The following ALPK3 variants were observed in gnomAD, a reference collection of about 807,000 sequenced individuals.
The protein encoded by ALPK3 is alpha-protein kinase 3.
A neutral mutation model predicts 140.0 loss-of-function variants in ALPK3; 102 were observed. The ratio of observed to expected loss-of-function variants is 0.73; its 90% confidence interval spans 0.62 to 0.86. The LOEUF (loss-of-function observed/expected upper bound fraction) is 0.86. Ranked by LOEUF, ALPK3 falls within the 40% of genes least tolerant of loss-of-function variation. ALPK3 has a pLI of 0.00. For missense variants in ALPK3, 2,254 were observed against 2,208.2 expected, an observed-to-expected ratio of 1.02 and a Z score of -0.42; for synonymous variants, 938 against 898.5, an observed-to-expected ratio of 1.04 and a Z score of -0.79.
At chr15:84,819,541 G>T (rs1337539735) in intron 1 of ALPK3, among the ~76,000 whole-genome samples, 6 of 152,200 alleles carry the variant, frequency 3.9e-5, no homozygotes, top group Admixed American at 1.3e-4. Context: ...CTCTAGTAAG[G>T]CCTGACCTGT....
At chr15:84,827,797 G>T (rs1269024110) in intron 3 of ALPK3, among the ~76,000 whole-genome samples, 192 bp downstream of exon 3, 1 of 152,186 alleles carries the variant, frequency 6.6e-6, no homozygotes, top group Non-Finnish European at 1.5e-5. Context: ...CCCCATTCTG[G>T]AGCCACATAT....
chr15:84,857,761 C>A lies in ALPK3; in HGVS notation c.3023C>A (p.Pro1008His). The change falls in exon 6 of 14, where the codon CCC becomes CAC. Residue 1008 changes from proline to histidine, a missense_variant. Transcript: ENST00000258888. The part of the protein sequence containing the change: ...TPTVEVAGLS[P>H]RTSRRILERV... The stretch of plus-strand genomic sequence containing the variant: ...ACTGTGGAAGTGGCTGGGCTTAGTC[C>A]CCGGACATCGAGGCGCATCCTGGAG... The A allele has an allele frequency of 1.2e-6, 2 of 1,613,106 alleles. No homozygotes were observed. Among genetic ancestry groups the A allele is most frequent in the Non-Finnish European group, 8.5e-7 (1 of 1,179,372 alleles).
intron 12 of ALPK3, 37 bp downstream of exon 12, chr15:84,864,702 A>G (rs2141574247): frequency 6.3e-7 from 1 of 1,596,124 alleles, no homozygotes; most frequent in African/African-American, 1.3e-5. Flanking sequence ...ACGCATGTGC[A>G]TGGATGTGAA....
At chr15:84,856,310 C>G in intron 5 of ALPK3, 82 bp from the exon 6 acceptor site, 1 of 1,522,816 alleles carries the variant, frequency 6.6e-7, no homozygotes, top group Non-Finnish European at 8.8e-7. Flanking sequence ...TAGATGAGGT[C>G]CGAGGAGACT....
At chr15:84,849,442 G>A (rs1963775736) in intron 5 of ALPK3, among the ~76,000 whole-genome samples, 1 of 152,108 alleles carries the variant, frequency 6.6e-6, no homozygotes, top group African/African-American at 2.4e-5. Context: ...AGAATACTCT[G>A]TGTAACAACA....
Position 84,871,864 on chromosome 15 carries a change from G to A in ALPK3, c.*3408G>A, listed in dbSNP as rs959639706. 3 of 152,236 alleles carry A rather than the reference G, an allele frequency of 2.0e-5. No individual in the cohort carries two copies. The highest frequency in any genetic ancestry group is 1.3e-4 in the Admixed American group (2 of 15,284). 9.4% of individuals were successfully genotyped at this position (152,236 alleles called of 1,614,324 possible). On this transcript the variant is annotated 3_prime_UTR_variant, in exon 14 of 14. Coordinates refer to ENST00000258888, the MANE Select transcript of ALPK3 (RefSeq NM_020778.5). The stretch of plus-strand genomic sequence containing the variant: ...CTGGTTGGGTGCAGTATGTGAGGAG[G>A]TCACATGATGTTTATGGCATTTGAG...
chr15:84,863,750 C>A, intron 11 of ALPK3, 110 bp downstream of exon 11: 2 of 1,018,084 alleles, frequency 2.0e-6, no homozygotes, highest in Admixed American at 2.6e-5. Context: ...TGCCCATGTG[C>A]AAATAGGCTC....
Position 84,840,481 on chromosome 15 carries a change from AG to A in ALPK3, c.1204del (p.Ala402ProfsTer14). On this transcript the variant is annotated frameshift_variant, in exon 5 of 14. Transcript: ENST00000258888. LOFTEE classifies it high-confidence loss of function. ...GTGGGCACTCCAGACAAGGCCCAGAAGGCCCCTGGCCCAGGCCCAGGCCAGG... is the reference window on the plus strand; with the variant it reads ...GTGGGCACTCCAGACAAGGCCCAGAAGCCCCTGGCCCAGGCCCAGGCCAGG... ...SAVGTPDKAQ[K>X]APGPGPGQEV... is the part of the protein sequence containing the mutation. 2.5e-6 allele frequency: 4 copies of A among 1,613,630 alleles called. No individual in the cohort carries two copies. The highest frequency in any genetic ancestry group is 3.4e-6 in the Non-Finnish European group (4 of 1,179,832).
intron 3 of ALPK3, 100 bp downstream of exon 3, chr15:84,827,705 A>G (rs577973730): frequency 2.7e-6 from 4 of 1,492,984 alleles, no homozygotes; most frequent in Middle Eastern, 2.3e-4. Flanking sequence ...GGCTGTGTGC[A>G]CAAAACTACG....
intron 5 of ALPK3, among the ~76,000 whole-genome samples, chr15:84,842,837 T>G (rs1281229877): frequency 1.3e-5 from 2 of 152,078 alleles, no homozygotes; most frequent in Admixed American, 1.3e-4. Context: ...GCCACTGGAA[T>G]GGTAAGTTCA....
rs200846317 is a variant in ALPK3, at chr15:84,857,220, G to A, written c.2482G>A (p.Glu828Lys). 10 of 1,614,020 alleles carry A rather than the reference G, an allele frequency of 6.2e-6. No homozygotes were observed. Among genetic ancestry groups the A allele is most frequent in the Admixed American group, 5.0e-5 (3 of 60,018 alleles). The change falls in exon 6 of 14, where the codon GAG becomes AAG. Residue 828 changes from glutamate (E) to lysine (K), a missense_variant. Around this residue, in one of 3 missense-constraint regions of ALPK3, gnomAD observed 2,088 missense variants for 2,022.9 expected, o/e 1.03. Coordinates refer to ENST00000258888, the MANE Select transcript of ALPK3 (RefSeq NM_020778.5). ...CRGPQSSGPV[E>K]AKQEDSPFQC... ...AGGGCCACAGTCATCAGGCCCAGTCGAGGCCAAGCAGGAGGACAGCCCGTT... is the reference window on the plus strand; with the variant it reads ...AGGGCCACAGTCATCAGGCCCAGTCAAGGCCAAGCAGGAGGACAGCCCGTT...
At chr15:84,821,291 G>A (rs1963420326) in intron 1 of ALPK3, among the ~76,000 whole-genome samples, 1 of 152,192 alleles carries the variant, frequency 6.6e-6, no homozygotes, top group African/African-American at 2.4e-5. Flanking sequence ...AGGGCGGTTG[G>A]TCCAGGAGCA....
chr15:84,825,334 G>T (rs986870030), intron 2 of ALPK3, among the ~76,000 whole-genome samples: 1 of 151,776 alleles, frequency 6.6e-6, no homozygotes, highest in Non-Finnish European at 1.5e-5. Context: ...CTGCCACCAC[G>T]CCTGGCTAAT....
In ALPK3 at chr15:84,850,814, C is replaced by T. The variant is rs993081302; in HGVS notation, c.1654-5578C>T. 5.3e-5 allele frequency among the ~76,000 whole-genome samples: 8 copies of T among 151,942 alleles called. No individual in the cohort carries two copies. In the East Asian group the frequency reaches 1.5e-3, roughly 29 times the overall value. On this transcript the variant is annotated intron_variant, in intron 5 of 13. Coordinates refer to ENST00000258888, the MANE Select transcript of ALPK3 (RefSeq NM_020778.5). ...TAGAGCCAACTAGGTTCATTCTGCTCACACCATTTTTATTTTTAAGAAACA... is the reference window on the plus strand; with the variant it reads ...TAGAGCCAACTAGGTTCATTCTGCTTACACCATTTTTATTTTTAAGAAACA...
At position 84,856,866 on chromosome 15, in the gene ALPK3, A is replaced by G. The variant is rs1397478458; in HGVS notation, c.2128A>G (p.Thr710Ala). 6.2e-7 allele frequency: 1 copy of G among 1,613,982 alleles called. No homozygotes were observed. Residue 710 changes from threonine to alanine, a missense_variant, in exon 6 of 14, where the codon ACG becomes GCG. This residue lies in a region of ALPK3 where 2,088 missense variants were observed against 2,022.9 expected (regional missense o/e 1.03). Coordinates refer to ENST00000258888, the MANE Select transcript of ALPK3 (RefSeq NM_020778.5). ...GAAGGGGATGCAGGGAGAGAAGGGG[A>G]CGCAGTCAGAGGGGAGCGCGCCCAC... ...GEKGMQGEKG[T>A]QSEGSAPTAM...
Position 84,839,047 on chromosome 15 carries a change from A to G in ALPK3, c.372A>G (p.Pro124=). The G allele has an allele frequency of 1.2e-6, 2 of 1,612,736 alleles. No individual in the cohort carries two copies. The highest frequency in any genetic ancestry group is 1.7e-6 in the Non-Finnish European group (2 of 1,179,310). The part of the protein sequence containing the change: ...DTELDRYCGL[P]KYEITHQGNR... ...AGCTGGACCGCTACTGTGGCTTGCC[A>G]AAATATGAGATCACTCATCAGGGCA... Residue 124 remains proline, a synonymous_variant, in exon 4 of 14, where the codon CCA becomes CCG. Coordinates refer to ENST00000258888, the MANE Select transcript of ALPK3 (RefSeq NM_020778.5).
chr15:84,866,617 G>A (rs928387888), intron 12 of ALPK3, among the ~76,000 whole-genome samples: 17 of 152,322 alleles, frequency 1.1e-4, no homozygotes, highest in African/African-American at 3.6e-4. Flanking sequence ...CAGTGAAAAC[G>A]TTTTTTCTCT....
intron 3 of ALPK3, among the ~76,000 whole-genome samples, chr15:84,834,538 G>A (rs1362222925): frequency 2.0e-5 from 3 of 152,242 alleles, no homozygotes; most frequent in Non-Finnish European, 2.9e-5. Flanking sequence ...GCAATCATTT[G>A]CACAGGAGTG....
In ALPK3 at chr15:84,827,530, C is replaced by T; in HGVS notation, c.229C>T (p.Pro77Ser). ...TGCTCAGCTCACAGAGGAGACCCAGCCGCTATTTGAGACCACGCTCAAGTC... is the reference window on the plus strand; with the variant it reads ...TGCTCAGCTCACAGAGGAGACCCAGTCGCTATTTGAGACCACGCTCAAGTC... ...IIAQLTEETQ[P>S]LFETTLKSRS... Residue 77 changes from proline to serine, a missense_variant, in exon 3 of 14, where the codon CCG (proline) becomes TCG (serine). Pro to Ser is a moderately conservative substitution (Grantham distance 74). Coordinates refer to ENST00000258888, the MANE Select transcript of ALPK3 (RefSeq NM_020778.5). 6.2e-7 allele frequency: 1 copy of T among 1,614,208 alleles called. No homozygotes were observed. The highest frequency in any genetic ancestry group is 8.5e-7 in the Non-Finnish European group (1 of 1,180,054).
Sources: gnomAD v4.1 joint callset for allele counts (sites outside exome capture counted in the v4.1 genomes callset) on GRCh38, gnomAD v4.1.1 for gene constraint, gnomAD v4.1.1 regional missense constraint, MANE v1.5 for transcripts, NCBI Gene and HGNC (gene_info 2026-07-23, HGNC 2026-07-21) for gene names.